Variants in EYA1 observed in about 807,000 individuals in gnomAD.
EYA1 encodes the protein EYA transcriptional coactivator and phosphatase 1, also known as protein phosphatase EYA1.
EYA1 carries 16 observed loss-of-function variants against 82.0 expected under a neutral mutation model. The observed-to-expected ratio is 0.20, with a 90% CI of 0.13 to 0.30. The LOEUF (loss-of-function observed/expected upper bound fraction) is 0.30. Among genes scored for constraint, EYA1 ranks in the 10% least tolerant of loss-of-function variants. The pLI, the probability that EYA1 is intolerant of heterozygous loss-of-function variation, is 1.00. For synonymous variants in EYA1, 261 were observed against 264.4 expected (o/e 0.99, Z 0.12); for missense variants, 633 against 730.7 (o/e 0.87, Z 1.54).
chr8:71,378,399 T>C (rs775495331), intron 2 of EYA1, among the ~76,000 whole-genome samples: 2 of 152,184 alleles, frequency 1.3e-5, no homozygotes, highest in South Asian at 2.1e-4. Flanking sequence ...ACCATAAGAA[T>C]GGTGACCAAG....
intron 7 of EYA1, among the ~76,000 whole-genome samples, chr8:71,313,570 C>G (rs1821588648): frequency 1.3e-5 from 2 of 152,156 alleles, no homozygotes; most frequent in Admixed American, 1.3e-4. Context: ...ACAGGTTGGT[C>G]AGAGTGATTT....
intron 2 of EYA1, among the ~76,000 whole-genome samples, chr8:71,420,068 T>G (rs1395344253): frequency 2.0e-5 from 3 of 152,160 alleles, no homozygotes; most frequent in South Asian, 2.1e-4. Flanking sequence ...CTGAAAAATG[T>G]TTAGCTCAAC....
intron 2 of EYA1, among the ~76,000 whole-genome samples, chr8:71,471,953 G>C (rs1431801840): frequency 2.0e-5 from 3 of 151,986 alleles, no homozygotes; most frequent in Non-Finnish European, 4.4e-5. Flanking sequence ...TTCTTGTAAG[G>C]CTTGTCAGTC....
At chr8:71,428,084 C>T (rs1461147733) in intron 2 of EYA1, among the ~76,000 whole-genome samples, 3 of 151,906 alleles carry the variant, frequency 2.0e-5, no homozygotes, top group African/African-American at 4.8e-5. Context: ...GACCATGTTT[C>T]CATTGAATGG....
intron 3 of EYA1, among the ~76,000 whole-genome samples, chr8:71,354,140 A>G (rs1444288900): frequency 6.6e-6 from 1 of 152,096 alleles, no homozygotes; most frequent in Non-Finnish European, 1.5e-5. Context: ...ATTTATATAA[A>G]TATTCATATG....
intron 1 of EYA1, among the ~76,000 whole-genome samples, chr8:71,537,877 A>G (rs1487827203): frequency 1.3e-5 from 2 of 152,240 alleles, no homozygotes; most frequent in Admixed American, 1.3e-4. Flanking sequence ...TTTCTGCTGA[A>G]GATGAAACTA....
chr8:71,470,952 A>C, intron 2 of EYA1: 1 of 440,246 alleles, frequency 2.3e-6, no homozygotes, highest in Non-Finnish European at 4.5e-6. Context: ...AAAAGGAAAA[A>C]GGGGAGAAAA....
At chr8:71,242,591 T>C (rs1404108457) in intron 12 of EYA1, among the ~76,000 whole-genome samples, 1 of 152,168 alleles carries the variant, frequency 6.6e-6, no homozygotes, top group Admixed American at 6.5e-5. Flanking sequence ...GCTTTTAATA[T>C]ATTTGAGTAG....
intron 11 of EYA1, among the ~76,000 whole-genome samples, chr8:71,264,388 C>T (rs368849594): frequency 9.5e-4 from 144 of 152,204 alleles, no homozygotes; most frequent in African/African-American, 3.4e-3. Context: ...AGAAACACAC[C>T]CACAAGGGAG....
intron 17 of EYA1, among the ~76,000 whole-genome samples, chr8:71,210,726 C>A (rs1044065276): frequency 3.3e-5 from 5 of 152,178 alleles, no homozygotes; most frequent in African/African-American, 1.2e-4. Context: ...ATAGTTTTAT[C>A]TTCCAAGTCA....
At chr8:71,264,392 A>C (rs780450915) in intron 11 of EYA1, among the ~76,000 whole-genome samples, 9 of 152,074 alleles carry the variant, frequency 5.9e-5, no homozygotes, top group Non-Finnish European at 1.3e-4. Flanking sequence ...ACACACCCAC[A>C]AGGGAGGCTG....
At chr8:71,455,362 T>C (rs1320615656) in intron 2 of EYA1, among the ~76,000 whole-genome samples, 1 of 152,184 alleles carries the variant, frequency 6.6e-6, no homozygotes, top group African/African-American at 2.4e-5. Flanking sequence ...CTTCTGAAAC[T>C]ATTCCAATCA....
intron 2 of EYA1, among the ~76,000 whole-genome samples, chr8:71,374,110 G>A (rs145668813): frequency 1.5e-4 from 23 of 152,028 alleles, no homozygotes; most frequent in African/African-American, 5.3e-4. Flanking sequence ...AAAAGGCAAA[G>A]GCAATAAAAG....
At chr8:71,499,040 G>C (rs76026876) in intron 2 of EYA1, among the ~76,000 whole-genome samples, 4,559 of 152,272 alleles carry the variant, frequency 0.03, 248 homozygotes, top group African/African-American at 0.1. Context: ...CACAGAATGG[G>C]CTGTCCTTCA....
intron 2 of EYA1, among the ~76,000 whole-genome samples, chr8:71,396,028 A>G (rs1036337456): frequency 2.0e-5 from 3 of 152,078 alleles, no homozygotes; most frequent in Non-Finnish European, 4.4e-5. Context: ...GGGAGGGTGT[A>G]TGTGTCGAGG....
Position 71,498,443 on chromosome 8 carries a change from C to A in EYA1, c.33+37301G>T, listed in dbSNP as rs184995209. Among the ~76,000 whole-genome samples, 7 of 152,280 alleles carry A rather than the reference C, an allele frequency of 4.6e-5. No individual in the cohort carries two copies. The East Asian group carries it at 7.7e-4, about 17-fold the overall frequency. Reference sequence around the variant, plus strand: ...CTAATAGAGTAGAATTATGTTCAGACTTTTCCTATTGATTAATCTGATCTC... The same window carrying A: ...CTAATAGAGTAGAATTATGTTCAGAATTTTCCTATTGATTAATCTGATCTC... On this transcript the variant is annotated intron_variant, in intron 2 of 18. Coordinates refer to the EYA1 transcript ENST00000643681.
intron 2 of EYA1, among the ~76,000 whole-genome samples, chr8:71,378,810 A>T (rs1378721007): frequency 6.6e-6 from 1 of 152,340 alleles, no homozygotes; most frequent in East Asian, 1.9e-4. Flanking sequence ...GGCTAAAAAA[A>T]TTTGGTTAAG....
intron 3 of EYA1, among the ~76,000 whole-genome samples, chr8:71,349,393 C>A (rs1179573016): frequency 2.0e-5 from 3 of 152,204 alleles, no homozygotes; most frequent in African/African-American, 7.2e-5. Context: ...AAGCCATCTG[C>A]AGATGATGCA....
At chr8:71,284,451 A>G (rs1329000867) in intron 9 of EYA1, among the ~76,000 whole-genome samples, 2 of 152,232 alleles carry the variant, frequency 1.3e-5, no homozygotes, top group Non-Finnish European at 2.9e-5. Flanking sequence ...CATACATTCC[A>G]GAGCAGCCTT....
Sources: allele counts gnomAD v4.1 joint callset (sites outside exome capture counted in the v4.1 genomes callset), GRCh38; gene constraint gnomAD v4.1.1; transcripts MANE v1.5; gene names NCBI Gene and HGNC (gene_info 2026-07-23, HGNC 2026-07-21).